FBXO17: variants seen among roughly 807,000 people sequenced by gnomAD.
FBXO17 encodes the protein F-box only protein 17.
In FBXO17, 43 loss-of-function variants were observed where a neutral mutation model predicts 34.1. The ratio of observed to expected loss-of-function variants is 1.26; its 90% CI spans 0.99 to 1.62. The LOEUF is 1.62. Among genes scored for constraint, FBXO17 ranks in the 40% most tolerant of loss-of-function variants. The pLI is 0.00. For synonymous variants in FBXO17, 169 were observed against 166.0 expected, an observed-to-expected ratio of 1.02 and a Z score of -0.14; for missense variants, 424 against 386.7, an observed-to-expected ratio of 1.10 and a Z score of -0.81.
At chr19:38,952,504 T>A in intron 1 of FBXO17, 1 of 533,202 alleles carries the variant, frequency 1.9e-6, no homozygotes, top group Non-Finnish European at 3.9e-6. Flanking sequence ...TCCGTGCTCC[T>A]GGGAGCTACT....
chr19:38,948,591 T>C lies in FBXO17; in HGVS notation c.437A>G (p.Gln146Arg), dbSNP rs982243114. Residue 146 changes from glutamine to arginine, a missense_variant, in exon 3 of 6, where the codon CAG becomes CGG. Transcript: ENST00000292852. ...NLTPVPGAPS[Q>R]TCFVTSFEWC... is the part of the protein sequence containing the mutation. Reference sequence around the variant, plus strand: ...CTCGAAAGAGGTCACGAAGCAGGTCTGCGAAGGAGCCCCAGGCACCGGTGT... The same window carrying C: ...CTCGAAAGAGGTCACGAAGCAGGTCCGCGAAGGAGCCCCAGGCACCGGTGT... 5.6e-6 allele frequency: 9 copies of C among 1,614,002 alleles called. No individual in the cohort carries two copies. The highest frequency in any genetic ancestry group is 3.3e-5 in the Admixed American group (2 of 59,988).
chr19:38,966,425 AC>A (rs1975323050), intron 1 of FBXO17, among the ~76,000 whole-genome samples: 2 of 151,968 alleles, frequency 1.3e-5, no homozygotes, highest in South Asian at 4.1e-4. Flanking sequence ...GGCCTCAGCC[AC>A]CGAGCCTGGC....
intron 1 of FBXO17, among the ~76,000 whole-genome samples, chr19:38,955,674 G>A (rs1385160214): frequency 6.6e-6 from 1 of 151,802 alleles, no homozygotes. Context: ...AGTAGAGACA[G>A]GGTTTCACCA....
intron 1 of FBXO17, among the ~76,000 whole-genome samples, chr19:38,973,572 T>C (rs1167138288): frequency 6.6e-6 from 1 of 152,194 alleles, no homozygotes; most frequent in East Asian, 1.9e-4. Context: ...ATACTTTTAT[T>C]ATAGAAAAAA....
chr19:38,953,777 G>A (rs11083490), intron 1 of FBXO17, among the ~76,000 whole-genome samples: 25,786 of 152,108 alleles, frequency 0.17, 2,615 homozygotes, highest in Admixed American at 0.3. Flanking sequence ...ATGAGCAGCA[G>A]AGAGAGGTGA....
At chr19:38,949,788 C>T in intron 2 of FBXO17, 183 bp downstream of exon 2, 1 of 744,914 alleles carries the variant, frequency 1.3e-6, no homozygotes, top group Non-Finnish European at 2.1e-6. Flanking sequence ...GGATTCCCGG[C>T]TTCACCTTCT....
chr19:38,945,860 G>T, intron 4 of FBXO17: 1 of 188,202 alleles, frequency 5.3e-6, no homozygotes. Flanking sequence ...GTGGTCCTGC[G>T]GTTGATTCTG....
intron 5 of FBXO17, chr19:38,944,585 G>A: frequency 5.2e-6 from 1 of 190,564 alleles, no homozygotes; most frequent in South Asian, 9.7e-5. Context: ...GATCAAGACA[G>A]CATAGTCTTG....
Position 38,942,523 on chromosome 19 carries a change from A to T in FBXO17, c.*85T>A. 1 of 1,393,988 alleles carries T rather than the reference A, an allele frequency of 7.2e-7. No individual in the cohort carries two copies. The highest frequency in any genetic ancestry group is 1.5e-5 in the African/African-American group (1 of 66,574). The allele number at this position is 1,393,988 out of a possible 1,614,324, so 86.4% of individuals were successfully genotyped here. A position where few individuals can be genotyped will look rare whatever the true frequency, so the allele number is the denominator to read the frequency against. ...GTGATCCTCCCACCTCGGCCTCCTG[A>T]AGTGCTGGGATTCCACAGGTGTGAG... On this transcript the variant is annotated 3_prime_UTR_variant, in exon 6 of 6. Coordinates refer to ENST00000292852, the MANE Select transcript of FBXO17 (RefSeq NM_024907.7).
Position 38,948,675 on chromosome 19 carries a change from C to CTTGTTTT in FBXO17, c.352_353insAAAACAA (p.Gly118GlufsTer65). ...ATGCTCCACCTCCCAGCCTCTGAAG[C>CTTGTTTT]CCTCTGTGGGAAAACAAGAGTTGAA... On this transcript the variant is annotated frameshift_variant, in exon 3 of 6. Transcript: ENST00000292852. LOFTEE classifies it high-confidence loss of function. The CTTGTTTT allele has an allele frequency of 4.3e-6, 7 of 1,613,768 alleles. No individual in the cohort carries two copies. Among genetic ancestry groups the CTTGTTTT allele is most frequent in the Non-Finnish European group, 5.9e-6 (7 of 1,179,828 alleles).
At chr19:38,942,854 C>T in intron 5 of FBXO17, 103 bp from the exon 6 acceptor site, 1 of 1,211,514 alleles carries the variant, frequency 8.3e-7, no homozygotes, top group Non-Finnish European at 1.1e-6. Flanking sequence ...CAGTCCTGCG[C>T]TAGTTTGCTG....
At chr19:38,946,617 G>A (rs1234929355) in intron 3 of FBXO17, 50 bp from the exon 4 acceptor site, 7 of 1,565,070 alleles carry the variant, frequency 4.5e-6, no homozygotes, top group Non-Finnish European at 5.1e-6. Context: ...TGGCATTCAA[G>A]TCACAGTCAG....
intron 3 of FBXO17, 24 bp downstream of exon 3, chr19:38,948,543 G>A: frequency 6.3e-7 from 1 of 1,596,976 alleles, no homozygotes. Context: ...CCAGGGATCG[G>A]GGCCTCTCAC....
rs116875435 is a variant in FBXO17, at chr19:38,975,138, G to A, written c.-18+448C>T. 3.9e-5 allele frequency among the ~76,000 whole-genome samples: 6 copies of A among 152,270 alleles called. No homozygotes were observed. In the South Asian group the frequency reaches 6.2e-4, roughly 16 times the overall value. ...GCCCAAGTTGCTAAATCGAGAAACC[G>A]CCCTCCAAGGCTTCTGATTCACAGA... On this transcript the variant is annotated intron_variant, in intron 1 of 5. Transcript: ENST00000292852. The surrounding 1 kb of genome is among the most constrained non-coding windows in gnomAD (Gnocchi z 4.9).
At chr19:38,968,211 C>T (rs1176920475) in intron 1 of FBXO17, among the ~76,000 whole-genome samples, 3 of 151,908 alleles carry the variant, frequency 2.0e-5, no homozygotes, top group East Asian at 1.9e-4. Flanking sequence ...CCCAGATACT[C>T]GGGAGGCTAA....
At chr19:38,948,168 G>C (rs1310003343) in intron 3 of FBXO17, among the ~76,000 whole-genome samples, 1 of 152,000 alleles carries the variant, frequency 6.6e-6, no homozygotes, top group Admixed American at 6.6e-5. Flanking sequence ...TAGAGACGGG[G>C]TTTCCCCCTG....
intron 5 of FBXO17, 135 bp from the exon 6 acceptor site, chr19:38,942,886 C>G: frequency 1.8e-6 from 2 of 1,099,412 alleles, no homozygotes; most frequent in South Asian, 3.6e-5. Context: ...GTGAATAAAA[C>G]CGGAAAAGGA....
In FBXO17 at chr19:38,949,814, G is replaced by C. The variant is rs1271391017; in HGVS notation, c.349+157C>G. ...TTCACCTTCTCCAGCCCCGCCCACC[G>C]GGCCTACCGCCCAGGCACTGCGTCC... On this transcript the variant is annotated intron_variant, in intron 2 of 5. Transcript: ENST00000292852. 7.6e-6 allele frequency: 7 copies of C among 920,146 alleles called. No individual in the cohort carries two copies. In the East Asian group the frequency reaches 2.1e-4, roughly 28 times the overall value. 57.0% of individuals were successfully genotyped at this position (920,146 alleles called of 1,614,324 possible).
At chr19:38,973,236 G>A (rs1427569971) in intron 1 of FBXO17, among the ~76,000 whole-genome samples, 4 of 152,138 alleles carry the variant, frequency 2.6e-5, no homozygotes, top group African/African-American at 4.8e-5. Flanking sequence ...TTAGCCAGGC[G>A]TGGTGGCACA....
Sources: allele counts gnomAD v4.1 joint callset (sites outside exome capture counted in the v4.1 genomes callset), GRCh38; gene constraint gnomAD v4.1.1; non-coding constraint Gnocchi (gnomAD v3.1); transcripts MANE v1.5; gene names NCBI Gene and HGNC (gene_info 2026-07-23, HGNC 2026-07-21).